The following SEPTIN10 variants were observed in gnomAD, a reference collection of about 807,000 sequenced individuals.
SEPTIN10 encodes septin 10.
In SEPTIN10, 66 loss-of-function variants were observed where a neutral mutation model predicts 54.8. The ratio of observed to expected loss-of-function variants is 1.21; its 90% CI spans 0.99 to 1.48. The LOEUF (loss-of-function observed/expected upper bound fraction) is 1.48, where lower values mean the gene tolerates loss of function less well. Ranked by LOEUF, SEPTIN10 falls within the 40% of genes most tolerant of loss-of-function variation. The pLI, the probability that SEPTIN10 is intolerant of heterozygous loss-of-function variation, is 0.00. For missense variants in SEPTIN10, 620 were observed against 545.6 expected (o/e 1.14, Z -1.36); for synonymous variants, 161 against 181.0 (o/e 0.89, Z 0.89).
chr2:109,590,313 G>A (rs539727822), intron 2 of SEPTIN10, among the ~76,000 whole-genome samples: 1 of 152,010 alleles, frequency 6.6e-6, no homozygotes, highest in Non-Finnish European at 1.5e-5. Flanking sequence ...TAAATCAAAC[G>A]CTAACCTAGG....
At chr2:109,608,843 A>G (rs1336185418) in intron 1 of SEPTIN10, among the ~76,000 whole-genome samples, 1 of 152,246 alleles carries the variant, frequency 6.6e-6, no homozygotes, top group African/African-American at 2.4e-5. Context: ...AAGAAAGTGT[A>G]AGAATTAAAG....
chr2:109,588,870 C>G (rs34517320), intron 2 of SEPTIN10, among the ~76,000 whole-genome samples: 9 of 125,714 alleles, frequency 7.2e-5, no homozygotes, highest in Non-Finnish European at 9.9e-5. Context: ...AAAAAAAAAG[C>G]GAAAGAGGTA....
chr2:109,606,434 T>A (rs1697972216), intron 1 of SEPTIN10, among the ~76,000 whole-genome samples: 1 of 151,944 alleles, frequency 6.6e-6, no homozygotes, highest in Non-Finnish European at 1.5e-5. Flanking sequence ...AAATAAAAAA[T>A]AAAATGTGAT....
intron 1 of SEPTIN10, 82 bp downstream of exon 1, chr2:109,613,716 A>AG (rs1699820153): frequency 1.1e-6 from 1 of 923,436 alleles, no homozygotes; most frequent in Non-Finnish European, 1.4e-6. Context: ...GGGCCGGACC[A>AG]GGGGGCCGGT....
intron 9 of SEPTIN10, chr2:109,552,737 T>G (rs998682662): frequency 3.9e-5 from 8 of 202,660 alleles, no homozygotes; most frequent in African/African-American, 1.2e-4. Flanking sequence ...CTGAGACTGG[T>G]TGAATGAGGC....
intron 8 of SEPTIN10, among the ~76,000 whole-genome samples, chr2:109,560,114 G>A (rs1299452319): frequency 1.3e-5 from 2 of 151,936 alleles, no homozygotes; most frequent in African/African-American, 4.8e-5. Context: ...TAGAGATGGG[G>A]TTTCACCGTG....
At chr2:109,567,663 A>C (rs1027951382) in intron 6 of SEPTIN10, 152 bp downstream of exon 6, 4 of 724,158 alleles carry the variant, frequency 5.5e-6, no homozygotes, top group African/African-American at 1.8e-5. Flanking sequence ...TAAAAAACTA[A>C]ACATTTTCTC....
At position 109,569,432 on chromosome 2, in the gene SEPTIN10, C is replaced by G. The variant is rs906346532; in HGVS notation, c.601-1456G>C. ...CAGCCTGGGCAACAAGAGCAAAACT[C>G]TTGTTAAAAAAAAAAAAAAAAAAGG... On this transcript the variant is annotated intron_variant, in intron 5 of 10. Transcript: ENST00000397712. Among the ~76,000 whole-genome samples the G allele has an allele frequency of 1.9e-4, 24 of 123,968 alleles. 1 individual carries two copies. The highest frequency in any genetic ancestry group is 3.1e-4 in the Non-Finnish European group (19 of 60,886). 81.3% of individuals were successfully genotyped at this position (123,968 alleles called of 152,430 possible). A position where few individuals can be genotyped will look rare whatever the true frequency, so the allele number is the denominator to read the frequency against.
intron 1 of SEPTIN10, among the ~76,000 whole-genome samples, chr2:109,607,269 A>G (rs1221757010): frequency 6.6e-6 from 1 of 152,212 alleles, no homozygotes; most frequent in Non-Finnish European, 1.5e-5. Flanking sequence ...ACAAACAGCT[A>G]AGGTCCTGAG....
At chr2:109,544,735 T>C in intron 10 of SEPTIN10, 1 of 843,264 alleles carries the variant, frequency 1.2e-6, no homozygotes, top group Non-Finnish European at 1.4e-6. Flanking sequence ...TAGTTTATCT[T>C]TCTAAATTCA....
At chr2:109,609,293 T>A (rs1010271042) in intron 1 of SEPTIN10, among the ~76,000 whole-genome samples, 1 of 152,146 alleles carries the variant, frequency 6.6e-6, no homozygotes, top group Non-Finnish European at 1.5e-5. Flanking sequence ...AAAAAAATAA[T>A]GCCTGTCCTC....
intron 4 of SEPTIN10, among the ~76,000 whole-genome samples, chr2:109,579,467 T>G (rs561589635): frequency 2.0e-5 from 3 of 150,884 alleles, no homozygotes; most frequent in Non-Finnish European, 4.4e-5. Context: ...CACTGCAAAC[T>G]CTGCCTCCTG....
chr2:109,604,081 G>A (rs1697301909), intron 1 of SEPTIN10, among the ~76,000 whole-genome samples: 1 of 148,440 alleles, frequency 6.7e-6, no homozygotes, highest in Non-Finnish European at 1.5e-5. Flanking sequence ...AGAATGGTGT[G>A]AACCTGGGAG....
chr2:109,613,696 T>A, intron 1 of SEPTIN10, 102 bp downstream of exon 1: 1 of 791,736 alleles, frequency 1.3e-6, no homozygotes, highest in Non-Finnish European at 1.7e-6. Flanking sequence ...GGGGCGCGGG[T>A]CACAATCCCG....
At chr2:109,552,905 G>C in intron 9 of SEPTIN10, 182 bp downstream of exon 9, 1 of 669,524 alleles carries the variant, frequency 1.5e-6, no homozygotes, top group East Asian at 3.0e-5. Context: ...GAAGGCCAAA[G>C]TTTTCATTTA....
Position 109,544,253 on chromosome 2 carries a change from T to C in SEPTIN10, c.*56A>G. On this transcript the variant is annotated 3_prime_UTR_variant, in exon 11 of 11. Coordinates refer to ENST00000397712, the MANE Select transcript of SEPTIN10 (RefSeq NM_144710.5). ...GCAAAATCAAAGCACACTTCTAGTT[T>C]TTTTTTAATAAAGTTTGCTTGTGAT... The C allele has an allele frequency of 6.2e-7, 1 of 1,613,038 alleles. No individual in the cohort carries two copies. The highest frequency in any genetic ancestry group is 2.2e-5 in the East Asian group (1 of 44,856).
chr2:109,547,461 T>A (rs556798808), intron 9 of SEPTIN10, among the ~76,000 whole-genome samples: 8 of 148,748 alleles, frequency 5.4e-5, no homozygotes, highest in Non-Finnish European at 5.9e-5. Flanking sequence ...AACTGTTAAA[T>A]GAGTTTCAAG....
intron 10 of SEPTIN10, chr2:109,544,777 T>C (rs940876887): frequency 1.2e-6 from 1 of 820,558 alleles, no homozygotes; most frequent in Non-Finnish European, 1.5e-6. Flanking sequence ...TTTATACTAT[T>C]TATTCTTTCA....
At chr2:109,553,038 T>A in intron 9 of SEPTIN10, 49 bp downstream of exon 9, 1 of 1,587,014 alleles carries the variant, frequency 6.3e-7, no homozygotes, top group Non-Finnish European at 8.6e-7. Flanking sequence ...TCCAAATTAA[T>A]AGGACATCTA....
Sources: gnomAD v4.1 joint callset for allele counts (sites outside exome capture counted in the v4.1 genomes callset) on GRCh38, gnomAD v4.1.1 for gene constraint, MANE v1.5 for transcripts, NCBI Gene and HGNC (gene_info 2026-07-23, HGNC 2026-07-21) for gene names.